METTL16: variants seen among roughly 807,000 people sequenced by gnomAD.
METTL16 encodes methyltransferase 16, RNA N6-adenosine, also known as RNA N(6)-adenosine-methyltransferase METTL16.
Under a neutral mutation model 57.9 loss-of-function variants are expected in METTL16, and 19 were observed. The ratio of observed to expected loss-of-function variants is 0.33; its 90% confidence interval spans 0.23 to 0.48. The LOEUF (loss-of-function observed/expected upper bound fraction) is 0.48, where lower values mean the gene tolerates loss of function less well. Ranked by LOEUF, METTL16 falls within the 20% of genes least tolerant of loss-of-function variation. The pLI, the probability that METTL16 is intolerant of heterozygous loss-of-function variation, is 0.99. For missense variants in METTL16, 434 were observed against 691.5 expected, an observed-to-expected ratio of 0.63 and a Z score of 4.18; for synonymous variants, 246 against 255.6, an observed-to-expected ratio of 0.96 and a Z score of 0.36.
At chr17:2,448,814 A>AT (rs1362421312) in intron 6 of METTL16, among the ~76,000 whole-genome samples, 7,242 of 140,240 alleles carry the variant, frequency 0.052, 852 homozygotes, top group African/African-American at 0.18. Flanking sequence ...AAAAAAAAAA[A>AT]AAAAAAAAAA....
chr17:2,470,774 T>C (rs1415471091), intron 4 of METTL16, among the ~76,000 whole-genome samples: 1 of 152,228 alleles, frequency 6.6e-6, no homozygotes, highest in African/African-American at 2.4e-5. Flanking sequence ...CACTCCAGCC[T>C]GGGTGACAGT....
rs1485275049 is a variant in METTL16, at chr17:2,420,797, G to A, written c.996C>T (p.Arg332=). 6.2e-7 allele frequency: 1 copy of A among 1,614,222 alleles called. No individual in the cohort carries two copies. Among genetic ancestry groups the A allele is most frequent in the Non-Finnish European group, 8.5e-7 (1 of 1,180,040 alleles). ...CGACTATGCCTTCCGCCGTCTCCGA[G>A]CGCAGAGGTGATGCTTTGAGGGATA... ...KELSLKASPL[R]SETAEGIVVV... is the part of the protein sequence containing the mutation. Residue 332 remains arginine, a synonymous_variant, in exon 9 of 10, where the codon CGC becomes CGT. Coordinates refer to ENST00000263092, the MANE Select transcript of METTL16 (RefSeq NM_024086.4). This position sits in a 1 kb window ranked among gnomAD's most constrained non-coding sequence, Gnocchi z 5.4.
At chr17:2,432,138 G>A (rs1567883266) in intron 8 of METTL16, among the ~76,000 whole-genome samples, 1 of 152,112 alleles carries the variant, frequency 6.6e-6, no homozygotes, top group Non-Finnish European at 1.5e-5. Flanking sequence ...TAGAGACGGA[G>A]GGAAGGTTTC....
rs1318078101 is a variant in METTL16 at position 2,419,638 on chromosome 17, C to A, written c.*332G>T. 1 of 523,232 alleles carries A rather than the reference C, an allele frequency of 1.9e-6. No homozygotes were observed. The highest frequency in any genetic ancestry group is 2.2e-5 in the Admixed American group (1 of 44,484). 32.4% of individuals were successfully genotyped at this position (523,232 alleles called of 1,614,324 possible). On this transcript the variant is annotated 3_prime_UTR_variant, in exon 10 of 10. Coordinates refer to ENST00000263092, the MANE Select transcript of METTL16 (RefSeq NM_024086.4). ...TCTAGGCAGTGCTGCCCAGCCCAGA[C>A]TCCACAAACAACCCTTCTGACCTTG...
intron 8 of METTL16, chr17:2,424,215 G>A (rs889006727): frequency 2.4e-4 from 36 of 149,554 alleles, no homozygotes; most frequent in African/African-American, 4.9e-4. Flanking sequence ...CCGGGTTCAC[G>A]CCATTCTCCT....
At chr17:2,504,714 C>T (rs1303853097) in intron 1 of METTL16, among the ~76,000 whole-genome samples, 1 of 152,104 alleles carries the variant, frequency 6.6e-6, no homozygotes, top group Admixed American at 6.6e-5. Context: ...TGCCACCATG[C>T]CACCACGCCT....
At chr17:2,449,952 C>A (rs1304328830) in intron 6 of METTL16, among the ~76,000 whole-genome samples, 1 of 152,172 alleles carries the variant, frequency 6.6e-6, no homozygotes, top group Non-Finnish European at 1.5e-5. Context: ...CCACTACCTA[C>A]CCGTTAGAAC....
At position 2,419,334 on chromosome 17, in the gene METTL16, T is replaced by C. The variant is rs1370477109; in HGVS notation, c.*636A>G. On this transcript the variant is annotated 3_prime_UTR_variant, in exon 10 of 10. Coordinates refer to ENST00000263092, the MANE Select transcript of METTL16 (RefSeq NM_024086.4). ...GTCACACCGGGGAGTTTTGCTTACCTAATTCTGCTTCTGAAATAAGCAACA... is the reference window on the plus strand; with the variant it reads ...GTCACACCGGGGAGTTTTGCTTACCCAATTCTGCTTCTGAAATAAGCAACA... 8.0e-6 allele frequency: 2 copies of C among 250,398 alleles called. No homozygotes were observed. The highest frequency in any genetic ancestry group is 1.6e-5 in the Non-Finnish European group (2 of 124,120). The allele number at this position is 250,398 out of a possible 1,614,324, so 15.5% of individuals were successfully genotyped here.
intron 2 of METTL16, among the ~76,000 whole-genome samples, chr17:2,489,532 G>A (rs968632401): frequency 2.0e-5 from 3 of 151,738 alleles, no homozygotes; most frequent in African/African-American, 2.4e-5. Flanking sequence ...GCAGGCAACT[G>A]TAATCGCCAT....
intron 2 of METTL16, among the ~76,000 whole-genome samples, chr17:2,487,106 G>C (rs1199805729): frequency 6.6e-6 from 1 of 151,760 alleles, no homozygotes; most frequent in Non-Finnish European, 1.5e-5. Flanking sequence ...GAGAACATCT[G>C]TGAGATTTAG....
intron 3 of METTL16, among the ~76,000 whole-genome samples, 178 bp from the exon 4 acceptor site, chr17:2,473,842 G>A (rs899085038): frequency 2.6e-5 from 4 of 152,108 alleles, no homozygotes; most frequent in African/African-American, 9.7e-5. Context: ...GGGCTCAGGC[G>A]ATTCTCCCTG....
At chr17:2,503,004 TG>T (rs1211645227) in intron 1 of METTL16, among the ~76,000 whole-genome samples, 1 of 152,214 alleles carries the variant, frequency 6.6e-6, no homozygotes, top group Non-Finnish European at 1.5e-5. Context: ...GTTGGGAATG[TG>T]AAATGGCACA....
At chr17:2,487,885 A>C (rs778612071) in intron 2 of METTL16, among the ~76,000 whole-genome samples, 2 of 152,050 alleles carry the variant, frequency 1.3e-5, no homozygotes, top group Non-Finnish European at 2.9e-5. Context: ...AGACACCTAT[A>C]ATCTTAGCTA....
chr17:2,492,016 C>G (rs986787407), intron 2 of METTL16, among the ~76,000 whole-genome samples: 2 of 151,468 alleles, frequency 1.3e-5, no homozygotes, highest in African/African-American at 4.9e-5. Context: ...TCGAGACCAT[C>G]CTGGCTAACA....
At chr17:2,428,147 C>T (rs551939699) in intron 8 of METTL16, among the ~76,000 whole-genome samples, 1 of 151,912 alleles carries the variant, frequency 6.6e-6, no homozygotes, top group Non-Finnish European at 1.5e-5. Flanking sequence ...CTGAAAAAGC[C>T]TCTAAAAACA....
intron 4 of METTL16, among the ~76,000 whole-genome samples, chr17:2,469,410 A>C (rs2151566133): frequency 6.6e-6 from 1 of 152,348 alleles, no homozygotes; most frequent in Non-Finnish European, 1.5e-5. Context: ...AGAGACATAA[A>C]ATCTCTTTAA....
intron 5 of METTL16, among the ~76,000 whole-genome samples, chr17:2,464,658 C>G (rs369830700): frequency 5.9e-4 from 90 of 152,206 alleles, no homozygotes; most frequent in African/African-American, 2.0e-3. Context: ...AAGATCCACC[C>G]AAAGATTAAA....
At chr17:2,507,083 GC>G (rs1379289868) in intron 1 of METTL16, among the ~76,000 whole-genome samples, 5 of 150,268 alleles carry the variant, frequency 3.3e-5, no homozygotes, top group Admixed American at 6.6e-5. Context: ...GTGGGGGTCA[GC>G]CCCCCGCCTG....
intron 1 of METTL16, among the ~76,000 whole-genome samples, chr17:2,505,279 G>A (rs1035322292): frequency 6.6e-6 from 1 of 151,346 alleles, no homozygotes; most frequent in Non-Finnish European, 1.5e-5. Flanking sequence ...AAAAATCTAG[G>A]AGTCAGTTGA....
Sources: gnomAD v4.1 joint callset for allele counts (sites outside exome capture counted in the v4.1 genomes callset) on GRCh38, gnomAD v4.1.1 for gene constraint, Gnocchi (gnomAD v3.1) non-coding constraint, MANE v1.5 for transcripts, NCBI Gene and HGNC (gene_info 2026-07-23, HGNC 2026-07-21) for gene names.